The following RUNX3 variants were observed in gnomAD, a reference collection of about 807,000 sequenced individuals.
RUNX3 encodes the protein runt-related transcription factor 3.
RUNX3 carries 10 observed loss-of-function variants against 27.7 expected under a neutral mutation model. That is an observed-to-expected ratio of 0.36 (90% CI 0.22 to 0.61). The LOEUF is 0.61. Ranked by LOEUF, RUNX3 falls within the 20% of genes least tolerant of loss-of-function variation. The pLI is 0.72. For synonymous variants in RUNX3, 270 were observed against 269.2 expected (o/e 1.00, Z -0.03); for missense variants, 469 against 629.5 (o/e 0.75, Z 2.73).
chr1:24,929,488 G>A (rs1192482211), intron 1 of RUNX3, 99 bp downstream of exon 1: 1 of 1,230,798 alleles, frequency 8.1e-7, no homozygotes, highest in East Asian at 2.5e-5. Context: ...GGCGTCTCGG[G>A]CACCTCCCAT....
chr1:24,914,236 C>T (rs568444705), intron 3 of RUNX3, among the ~76,000 whole-genome samples: 26 of 152,322 alleles, frequency 1.7e-4, no homozygotes, highest in East Asian at 1.5e-3. Context: ...GGAACAGCAT[C>T]GTCTGCTGGG....
At chr1:24,917,331 C>G (rs1453474051) in intron 3 of RUNX3, among the ~76,000 whole-genome samples, 4 of 152,328 alleles carry the variant, frequency 2.6e-5, no homozygotes, top group African/African-American at 7.2e-5. Context: ...ACCTCTATTA[C>G]CAAGGCAGCC....
At position 24,929,629 on chromosome 1, in the gene RUNX3, G is replaced by C. The variant is rs1641174189; in HGVS notation, c.240C>G (p.Pro80=). The C allele has an allele frequency of 6.2e-7, 1 of 1,608,870 alleles. No individual in the cohort carries two copies. Among genetic ancestry groups the C allele is most frequent in the African/African-American group, 1.3e-5 (1 of 74,832 alleles). The part of the protein sequence containing the change: ...DSPNFLCSVL[P]SHWRCNKTLP... ...GCGTCTTGTTGCAGCGCCAGTGCGAGGGCAGCACGGAGCAGAGGAAGTTGG... is the reference window on the plus strand; with the variant it reads ...GCGTCTTGTTGCAGCGCCAGTGCGACGGCAGCACGGAGCAGAGGAAGTTGG... The change falls in exon 1 of 5, where the codon CCC becomes CCG. Residue 80 remains proline (P), a synonymous_variant. Coordinates refer to ENST00000308873, the MANE Select transcript of RUNX3 (RefSeq NM_004350.3).
intron 1 of RUNX3, chr1:24,929,345 G>A (rs769477554): frequency 1.4e-6 from 1 of 692,812 alleles, no homozygotes; most frequent in South Asian, 1.5e-5. Flanking sequence ...CTCTACGCAA[G>A]GCGCCCCAAA....
chr1:24,941,508 T>C (rs1053547495), intron 2 of RUNX3, among the ~76,000 whole-genome samples: 1 of 152,220 alleles, frequency 6.6e-6, no homozygotes, highest in Non-Finnish European at 1.5e-5. Context: ...AACGGAGGCA[T>C]AGCAAGGTCA....
intron 1 of RUNX3, chr1:24,964,724 G>A (rs1642214474): frequency 1.4e-6 from 2 of 1,476,150 alleles, no homozygotes; most frequent in South Asian, 1.4e-5. Context: ...TTTTGTTTTT[G>A]TCTCTTTTTT....
rs1034598895 is a variant in RUNX3, at chr1:24,927,965, T to A, written c.283-235A>T. 6.6e-6 allele frequency among the ~76,000 whole-genome samples: 1 copy of A among 152,184 alleles called. No individual in the cohort carries two copies. Among genetic ancestry groups the A allele is most frequent in the Non-Finnish European group, 1.5e-5 (1 of 68,020 alleles). ...ACACCAAAATCCTAGATCAACTGCT[T>A]ACATAAACTGTGTCCCAAGAAATCA... On this transcript the variant is annotated intron_variant, in intron 1 of 4. Transcript: ENST00000308873. This position sits in a 1 kb window ranked among gnomAD's most constrained non-coding sequence, Gnocchi z 5.0.
chr1:24,944,525 G>C (rs975007041), intron 2 of RUNX3, among the ~76,000 whole-genome samples: 2 of 152,166 alleles, frequency 1.3e-5, no homozygotes, highest in African/African-American at 4.8e-5. Context: ...AAGGGACTTC[G>C]CAGATGTGAT....
chr1:24,957,498 C>T (rs1032686004), intron 2 of RUNX3, among the ~76,000 whole-genome samples: 1 of 152,190 alleles, frequency 6.6e-6, no homozygotes, highest in African/African-American at 2.4e-5. Context: ...TGAGGGGCAG[C>T]AATGGCAGAG....
chr1:24,921,659 C>T (rs1444776524), intron 2 of RUNX3, among the ~76,000 whole-genome samples: 1 of 152,228 alleles, frequency 6.6e-6, no homozygotes, highest in African/African-American at 2.4e-5. Flanking sequence ...GAGGTCATTT[C>T]TCTGCTGGAC....
At chr1:24,905,731 C>A (rs1445830857) in intron 4 of RUNX3, among the ~76,000 whole-genome samples, 1 of 152,238 alleles carries the variant, frequency 6.6e-6, no homozygotes, top group African/African-American at 2.4e-5. Flanking sequence ...TTCTGGCTCC[C>A]CCGCTGAGCC....
At chr1:24,903,728 G>A (rs1362247287) in intron 4 of RUNX3, among the ~76,000 whole-genome samples, 12 of 152,138 alleles carry the variant, frequency 7.9e-5, no homozygotes, top group African/African-American at 2.2e-4. Flanking sequence ...GCCCCAACAC[G>A]TACTTGAGAG....
Position 24,901,347 on chromosome 1 carries a change from G to A in RUNX3, c.*775C>T, listed in dbSNP as rs1371814908. On this transcript the variant is annotated 3_prime_UTR_variant, in exon 5 of 5. Coordinates refer to ENST00000308873, the MANE Select transcript of RUNX3 (RefSeq NM_004350.3). ...CCCCGCCCTGCCAAGAGAACAGAGAGTGGATGCGTTGAGCTGGTAAAGTGC... is the reference window on the plus strand; with the variant it reads ...CCCCGCCCTGCCAAGAGAACAGAGAATGGATGCGTTGAGCTGGTAAAGTGC... 1 of 152,796 alleles carries A rather than the reference G, an allele frequency of 6.5e-6. No homozygotes were observed. Among genetic ancestry groups the A allele is most frequent in the African/African-American group, 2.4e-5 (1 of 41,410 alleles). The allele number at this position is 152,796 out of a possible 1,614,324, so 9.5% of individuals were successfully genotyped here.
intron 2 of RUNX3, among the ~76,000 whole-genome samples, chr1:24,947,662 A>G (rs1641644957): frequency 6.6e-6 from 1 of 152,140 alleles, no homozygotes; most frequent in Non-Finnish European, 1.5e-5. Flanking sequence ...GAGGACAGAA[A>G]TGATTGCAGG....
intron 2 of RUNX3, among the ~76,000 whole-genome samples, chr1:24,949,714 C>G (rs964772935): frequency 6.6e-6 from 1 of 152,268 alleles, no homozygotes; most frequent in African/African-American, 2.4e-5. Flanking sequence ...CTATCATCCA[C>G]GCGGCCTGGG....
intron 2 of RUNX3, among the ~76,000 whole-genome samples, chr1:24,957,294 G>A (rs1182814741): frequency 6.6e-6 from 1 of 152,182 alleles, no homozygotes; most frequent in Non-Finnish European, 1.5e-5. Flanking sequence ...GGGAGAAGCT[G>A]GAAAACTCTC....
intron 2 of RUNX3, among the ~76,000 whole-genome samples, chr1:24,941,099 C>T (rs974239081): frequency 3.3e-5 from 5 of 152,332 alleles, no homozygotes; most frequent in East Asian, 1.9e-4. Flanking sequence ...CTGTTTCATC[C>T]GGATGGTCCT....
chr1:24,960,749 G>A (rs1055207665), intron 2 of RUNX3, among the ~76,000 whole-genome samples: 1 of 152,164 alleles, frequency 6.6e-6, no homozygotes, highest in Admixed American at 6.5e-5. Context: ...CAGTGGAACC[G>A]TGCATGGGCA....
In RUNX3 at chr1:24,954,405, C is replaced by T. The variant is rs150988086; in HGVS notation, c.58+10109G>A. ...TATTATTATTTTAACACTGTGGATTCATAAAGAATGGAAGCCCACACAAGT... is the reference window on the plus strand; with the variant it reads ...TATTATTATTTTAACACTGTGGATTTATAAAGAATGGAAGCCCACACAAGT... On this transcript the variant is annotated intron_variant, in intron 2 of 6. Coordinates refer to the RUNX3 transcript ENST00000338888. Among the ~76,000 whole-genome samples the T allele has an allele frequency of 3.7e-3, 556 of 152,260 alleles. 2 individuals are homozygous for T. Among genetic ancestry groups the T allele is most frequent in the African/African-American group, 0.013 (531 of 41,532 alleles).
Sources: gnomAD v4.1 joint callset for allele counts (sites outside exome capture counted in the v4.1 genomes callset) on GRCh38, gnomAD v4.1.1 for gene constraint, Gnocchi (gnomAD v3.1) non-coding constraint, MANE v1.5 for transcripts, NCBI Gene and HGNC (gene_info 2026-07-23, HGNC 2026-07-21) for gene names.